TBXAS1: variants seen among roughly 807,000 people sequenced by gnomAD.
The protein encoded by TBXAS1 is thromboxane-A synthase.
Under a neutral mutation model 60.7 loss-of-function variants are expected in TBXAS1, and 48 were observed. That is an observed-to-expected ratio of 0.79 (90% CI 0.63 to 1.01). The LOEUF is 1.01. TBXAS1 is among the 50% of genes least tolerant of loss of function. TBXAS1 has a pLI of 0.00. For synonymous variants in TBXAS1, 287 were observed against 269.7 expected (o/e 1.06, Z -0.63); for missense variants, 685 against 686.3 (o/e 1.00, Z 0.02).
At chr7:139,859,636 C>T (rs1224487025) in intron 1 of TBXAS1, among the ~76,000 whole-genome samples, 3 of 152,152 alleles carry the variant, frequency 2.0e-5, no homozygotes, top group Non-Finnish European at 2.9e-5. Context: ...GTACAGGCAA[C>T]TTGCAGATAT....
chr7:139,881,361 T>C (rs1471202331), intron 3 of TBXAS1, among the ~76,000 whole-genome samples: 2 of 152,202 alleles, frequency 1.3e-5, no homozygotes, highest in Non-Finnish European at 2.9e-5. Flanking sequence ...TAAACTTTCA[T>C]TTTTCTAGTT....
chr7:139,929,980 T>C (rs1386158194), intron 4 of TBXAS1, among the ~76,000 whole-genome samples: 1 of 152,200 alleles, frequency 6.6e-6, no homozygotes, highest in African/African-American at 2.4e-5. Flanking sequence ...ACTACCTGTG[T>C]CTTGTGGAGT....
At chr7:139,836,704 T>A (rs71543346) in intron 1 of TBXAS1, among the ~76,000 whole-genome samples, 54 of 152,210 alleles carry the variant, frequency 3.5e-4, no homozygotes, top group Non-Finnish European at 6.0e-4. Context: ...CCTGAAACTA[T>A]ACAAATTCTA....
intron 10 of TBXAS1, among the ~76,000 whole-genome samples, chr7:140,012,824 G>C (rs1814725486): frequency 6.6e-6 from 1 of 152,164 alleles, no homozygotes; most frequent in Admixed American, 6.5e-5. Context: ...CCAAGTTCAG[G>C]AAGAGAGCGG....
intron 3 of TBXAS1, among the ~76,000 whole-genome samples, chr7:139,881,849 T>G (rs751658898): frequency 2.0e-5 from 3 of 151,670 alleles, no homozygotes; most frequent in Admixed American, 6.6e-5. Flanking sequence ...AAGTTGGAGG[T>G]TTTTAGCACC....
chr7:139,951,368 C>T (rs1456272224), intron 5 of TBXAS1, among the ~76,000 whole-genome samples: 2 of 151,842 alleles, frequency 1.3e-5, no homozygotes, highest in Non-Finnish European at 2.9e-5. Context: ...TACTGTATTC[C>T]ACTTATGAGG....
chr7:139,986,415 C>T (rs1345490518), intron 9 of TBXAS1, among the ~76,000 whole-genome samples: 1 of 152,040 alleles, frequency 6.6e-6, no homozygotes, highest in African/African-American at 2.4e-5. Context: ...TATTTGGTTA[C>T]ATGAGTAAGT....
chr7:139,939,131 G>A lies in TBXAS1; in HGVS notation c.450+2824G>A, dbSNP rs189651712. On this transcript the variant is annotated intron_variant, in intron 5 of 12. Coordinates refer to ENST00000448866, the MANE Select transcript of TBXAS1 (RefSeq NM_001061.7). The stretch of plus-strand genomic sequence containing the variant: ...TGTAATCCCAGCACTTTGGGAGGCC[G>A]AAGCGGGTGGATCACCTGAGGTCAG... Among the ~76,000 whole-genome samples, 964 of 152,288 alleles carry A rather than the reference G, an allele frequency of 6.3e-3. 13 individuals are homozygous for A. Among genetic ancestry groups the A allele is most frequent in the South Asian group, 0.039 (189 of 4,816 alleles).
intron 3 of TBXAS1, among the ~76,000 whole-genome samples, chr7:139,897,157 G>C (rs555028776): frequency 1.3e-5 from 2 of 152,218 alleles, no homozygotes; most frequent in African/African-American, 4.8e-5. Context: ...ACTCACAAAC[G>C]AGCAGAAAGA....
At position 139,796,654 on chromosome 7, in the gene TBXAS1, T is replaced by C. The variant is rs191884589; in HGVS notation, c.-80+9228T>C. Among the ~76,000 whole-genome samples, 516 of 152,376 alleles carry C rather than the reference T, an allele frequency of 3.4e-3. 1 individual carries two copies. Among genetic ancestry groups the C allele is most frequent in the Non-Finnish European group, 5.3e-3 (358 of 68,038 alleles). ...CTATGGTCTTGAGTTAATGATAACA[T>C]ATCAATATTGGCTCATTGATTGTCA... On this transcript the variant is annotated intron_variant, in intron 4 of 16. Coordinates refer to the TBXAS1 transcript ENST00000336425.
chr7:139,832,224 T>C (rs1798751887), intron 1 of TBXAS1, among the ~76,000 whole-genome samples: 2 of 151,968 alleles, frequency 1.3e-5, no homozygotes, highest in African/African-American at 4.8e-5. Context: ...CTCCCCCAAT[T>C]TGAGTGGGAG....
upstream of TBXAS1, among the ~76,000 whole-genome samples, chr7:139,828,989 A>T (rs1422467022): frequency 1.3e-5 from 2 of 152,268 alleles, no homozygotes; most frequent in Non-Finnish European, 2.9e-5. Context: ...ATAGACATAG[A>T]GATAGATATA....
intron 10 of TBXAS1, among the ~76,000 whole-genome samples, chr7:140,011,276 C>CAA (rs796088893): frequency 3.1e-5 from 1 of 32,196 alleles, no homozygotes; most frequent in African/African-American, 1.1e-4. Flanking sequence ...GACTCTGTCT[C>CAA]AAAAAAAACA....
intron 4 of TBXAS1, among the ~76,000 whole-genome samples, chr7:139,923,559 A>C (rs1446892965): frequency 6.6e-6 from 1 of 151,904 alleles, no homozygotes; most frequent in Non-Finnish European, 1.5e-5. Context: ...AATGTATAAT[A>C]ATCACATCAG....
At chr7:139,872,620 C>A (rs556832239) in intron 2 of TBXAS1, among the ~76,000 whole-genome samples, 1 of 152,174 alleles carries the variant, frequency 6.6e-6, no homozygotes, top group Non-Finnish European at 1.5e-5. Context: ...CACCATTGCA[C>A]TTTAGCCTGG....
chr7:139,803,524 A>G (rs988826055), intron 4 of TBXAS1, among the ~76,000 whole-genome samples: 1 of 152,350 alleles, frequency 6.6e-6, no homozygotes, highest in African/African-American at 2.4e-5. Flanking sequence ...AGAAATTTGC[A>G]TAAGTAAGGA....
chr7:139,992,530 C>A (rs371852255), intron 9 of TBXAS1, among the ~76,000 whole-genome samples: 4 of 152,224 alleles, frequency 2.6e-5, no homozygotes, highest in Non-Finnish European at 5.9e-5. Context: ...TGGCAAGAAG[C>A]CTTTTTCACT....
At chr7:139,941,430 A>T (rs949612079) in intron 5 of TBXAS1, among the ~76,000 whole-genome samples, 104 of 85,922 alleles carry the variant, frequency 1.2e-3, no homozygotes, top group African/African-American at 6.5e-3. Context: ...TTAAATTAAA[A>T]TTGTTTTTTT....
intron 4 of TBXAS1, among the ~76,000 whole-genome samples, chr7:139,806,815 T>A (rs1490263804): frequency 6.6e-6 from 1 of 152,130 alleles, no homozygotes; most frequent in East Asian, 1.9e-4. Flanking sequence ...TTCTTTTCTG[T>A]CTCCGCCCTC....
Sources: allele counts gnomAD v4.1 joint callset (sites outside exome capture counted in the v4.1 genomes callset), GRCh38; gene constraint gnomAD v4.1.1; transcripts MANE v1.5; gene names NCBI Gene and HGNC (gene_info 2026-07-23, HGNC 2026-07-21).